The following CHCHD6 variants were observed in gnomAD, a reference collection of about 807,000 sequenced individuals.
The protein encoded by CHCHD6 is MICOS complex subunit MIC25.
In CHCHD6, 28 loss-of-function variants were observed where a neutral mutation model predicts 32.3. The ratio of observed to expected loss-of-function variants is 0.87; its 90% CI spans 0.64 to 1.19. The LOEUF is 1.19. Ranked by LOEUF, CHCHD6 falls within the 50% of genes most tolerant of loss-of-function variation. The pLI, the probability that CHCHD6 is intolerant of heterozygous loss-of-function variation, is 0.00. For missense variants in CHCHD6, 333 were observed against 307.0 expected (o/e 1.08, Z -0.63); for synonymous variants, 122 against 117.5 (o/e 1.04, Z -0.25).
chr3:126,957,703 G>A (rs938852144), intron 7 of CHCHD6, 152 bp downstream of exon 7: 8 of 918,260 alleles, frequency 8.7e-6, no homozygotes, highest in Admixed American at 4.1e-5. Flanking sequence ...GGGATTCTTC[G>A]CTTTCCTCAG....
chr3:126,926,633 G>A (rs1415599045), intron 6 of CHCHD6, among the ~76,000 whole-genome samples: 3 of 152,188 alleles, frequency 2.0e-5, no homozygotes, highest in African/African-American at 2.4e-5. Context: ...GCAAACATCC[G>A]AGAGGGTAGA....
chr3:126,745,444 G>A (rs1234851510), intron 4 of CHCHD6, among the ~76,000 whole-genome samples: 1 of 152,194 alleles, frequency 6.6e-6, no homozygotes, highest in Non-Finnish European at 1.5e-5. Context: ...TCAGCACATG[G>A]TCTGGCAGAT....
At chr3:126,710,668 G>A (rs191928884) in intron 1 of CHCHD6, among the ~76,000 whole-genome samples, 86 of 152,186 alleles carry the variant, frequency 5.7e-4, no homozygotes, top group African/African-American at 1.7e-3. Flanking sequence ...GTATTCCCAA[G>A]CATTTTATTA....
rs956477395 is a variant in CHCHD6, at chr3:126,833,969, G to A, written c.412-18678G>A. ...CTTGGGAGGCTGAGGCAGGAGAATG[G>A]CGTGAACCCGGGAGGCGGAGCTTGC... On this transcript the variant is annotated intron_variant, in intron 4 of 7. Coordinates refer to ENST00000290913, the MANE Select transcript of CHCHD6 (RefSeq NM_032343.3). Among the ~76,000 whole-genome samples the A allele has an allele frequency of 7.4e-5, 11 of 147,764 alleles. No homozygotes were observed. In the South Asian group the frequency reaches 1.1e-3, roughly 15 times the overall value.
chr3:126,886,829 C>A (rs182689190), intron 5 of CHCHD6, among the ~76,000 whole-genome samples: 12 of 152,252 alleles, frequency 7.9e-5, no homozygotes, highest in Admixed American at 7.8e-4. Flanking sequence ...CAGGCCAGTG[C>A]CCCTGTCAGA....
chr3:126,838,645 C>T (rs1031730056), intron 4 of CHCHD6, among the ~76,000 whole-genome samples: 1 of 152,202 alleles, frequency 6.6e-6, no homozygotes, highest in Admixed American at 6.5e-5. Flanking sequence ...GTGATAGTTT[C>T]TTCTTCAGAC....
At chr3:126,909,452 C>A (rs1468700362) in intron 5 of CHCHD6, among the ~76,000 whole-genome samples, 1 of 152,216 alleles carries the variant, frequency 6.6e-6, no homozygotes, top group African/African-American at 2.4e-5. Context: ...CTCACCCTTG[C>A]TTTTGATCTC....
chr3:126,960,288 G>A lies in CHCHD6; in HGVS notation c.*87G>A, dbSNP rs749964537. The A allele has an allele frequency of 5.9e-5, 88 of 1,496,874 alleles. No homozygotes were observed. The highest frequency in any genetic ancestry group is 2.1e-4 in the African/African-American group (15 of 72,064). The allele number at this position is 1,496,874 out of a possible 1,614,324, so 92.7% of individuals were successfully genotyped here. On this transcript the variant is annotated 3_prime_UTR_variant, in exon 8 of 8. Transcript: ENST00000290913. The stretch of plus-strand genomic sequence containing the variant: ...GGGACCACAGCCACTGTGCCCTGCC[G>A]TTTCCTGCTGGGCCCCTGCATATGC...
chr3:126,915,181 C>T (rs959411937), intron 6 of CHCHD6, among the ~76,000 whole-genome samples: 2 of 152,222 alleles, frequency 1.3e-5, no homozygotes, highest in African/African-American at 4.8e-5. Flanking sequence ...CTGGTACATG[C>T]AGTGCACCCT....
chr3:126,745,328 G>T (rs775118730), intron 4 of CHCHD6, among the ~76,000 whole-genome samples: 1 of 152,206 alleles, frequency 6.6e-6, no homozygotes, highest in Non-Finnish European at 1.5e-5. Context: ...TACTGTCTCT[G>T]TGACCCTGGA....
intron 4 of CHCHD6, among the ~76,000 whole-genome samples, chr3:126,831,658 G>A (rs916826891): frequency 2.6e-5 from 4 of 152,156 alleles, no homozygotes; most frequent in African/African-American, 7.2e-5. Flanking sequence ...CAGAAGATGG[G>A]CCCTGTGTCC....
At chr3:126,759,725 T>C (rs1398174266) in intron 4 of CHCHD6, among the ~76,000 whole-genome samples, 1 of 152,224 alleles carries the variant, frequency 6.6e-6, no homozygotes, top group Non-Finnish European at 1.5e-5. Flanking sequence ...CCTGTCGCTC[T>C]TGGCACCATT....
At chr3:126,717,822 G>A (rs762989863) in intron 1 of CHCHD6, among the ~76,000 whole-genome samples, 11 of 152,220 alleles carry the variant, frequency 7.2e-5, no homozygotes, top group Middle Eastern at 3.4e-3. Flanking sequence ...CCCTGGCCTG[G>A]CCTTGCATTT....
intron 6 of CHCHD6, among the ~76,000 whole-genome samples, chr3:126,935,766 G>A (rs1349533287): frequency 1.3e-5 from 2 of 152,214 alleles, no homozygotes; most frequent in East Asian, 1.9e-4. Context: ...TTCAAAAGTA[G>A]CAGAAATGCA....
chr3:126,828,872 T>C (rs1450779009), intron 4 of CHCHD6, among the ~76,000 whole-genome samples: 2 of 152,198 alleles, frequency 1.3e-5, no homozygotes, highest in Admixed American at 6.5e-5. Flanking sequence ...TTCCCCTTTT[T>C]GTTTTGCTCA....
At chr3:126,715,573 G>A (rs1934969482) in intron 1 of CHCHD6, among the ~76,000 whole-genome samples, 1 of 152,118 alleles carries the variant, frequency 6.6e-6, no homozygotes. Context: ...TAGAGAGGTA[G>A]CCTCTTGTAG....
At chr3:126,890,403 G>A (rs928668307) in intron 5 of CHCHD6, among the ~76,000 whole-genome samples, 2 of 152,270 alleles carry the variant, frequency 1.3e-5, no homozygotes, top group East Asian at 1.9e-4. Flanking sequence ...TGGGAGGGTA[G>A]TATTGGGAGA....
At chr3:126,711,609 A>C (rs1934750840) in intron 1 of CHCHD6, among the ~76,000 whole-genome samples, 1 of 152,224 alleles carries the variant, frequency 6.6e-6, no homozygotes, top group East Asian at 1.9e-4. Flanking sequence ...ATGCCCTGAC[A>C]CTTCAGAAGG....
intron 5 of CHCHD6, among the ~76,000 whole-genome samples, chr3:126,879,251 T>C (rs2077577490): frequency 4.6e-5 from 7 of 152,134 alleles, no homozygotes; most frequent in Admixed American, 4.6e-4. Flanking sequence ...CTCACCACAG[T>C]GGGGCAGGGT....
Sources: allele counts gnomAD v4.1 joint callset (sites outside exome capture counted in the v4.1 genomes callset), GRCh38; gene constraint gnomAD v4.1.1; transcripts MANE v1.5; gene names NCBI Gene and HGNC (gene_info 2026-07-23, HGNC 2026-07-21).